Variants in GALNT2 observed in about 807,000 individuals in gnomAD.
GALNT2 encodes the protein polypeptide N-acetylgalactosaminyltransferase 2, also known as UDP-GalNAc:polypeptide N-acetylgalactosaminyltransferase 2.
A neutral mutation model predicts 81.4 loss-of-function variants in GALNT2; 31 were observed. The ratio of observed to expected loss-of-function variants is 0.38; its 90% CI spans 0.29 to 0.51. The LOEUF is 0.51. Ranked by LOEUF, GALNT2 falls within the 20% of genes least tolerant of loss-of-function variation. The probability of loss-of-function intolerance (pLI) is 0.87; values close to 1 mark genes in which losing one functional copy is unlikely to be tolerated. For missense variants in GALNT2, 629 were observed against 765.7 expected (o/e 0.82, Z 2.11); for synonymous variants, 303 against 287.4 (o/e 1.05, Z -0.55).
rs72647723 is a variant in GALNT2, at chr1:230,281,718, A to G, written c.*2260A>G. The G allele has an allele frequency of 6.0e-4, 92 of 152,296 alleles. 1 individual carries two copies. Among genetic ancestry groups the G allele is most frequent in the Admixed American group, 2.0e-4 (3 of 15,256 alleles). 9.4% of individuals were successfully genotyped at this position (152,296 alleles called of 1,614,324 possible). A position where few individuals can be genotyped will look rare whatever the true frequency, so the allele number is the denominator to read the frequency against. On this transcript the variant is annotated 3_prime_UTR_variant, in exon 16 of 16. Coordinates refer to ENST00000366672, the MANE Select transcript of GALNT2 (RefSeq NM_004481.5). ...GCGGCTTTGGATGGTCCGGGCGTCA[A>G]GAGCAGGGGTGGGCCGGGGAGGGGT... is the stretch of plus-strand genomic sequence containing the variant.
chr1:230,259,678 C>A (rs1347005391), intron 11 of GALNT2: 1 of 152,202 alleles, frequency 6.6e-6, no homozygotes, highest in African/African-American at 2.4e-5. Context: ...GGAAAATGGT[C>A]CTTGTGCCTG....
intron 1 of GALNT2, among the ~76,000 whole-genome samples, chr1:230,173,122 G>A (rs986095722): frequency 6.6e-6 from 1 of 152,202 alleles, no homozygotes; most frequent in African/African-American, 2.4e-5. Flanking sequence ...ACTACCATCT[G>A]GGGTAAGTTA....
chr1:230,272,450 C>CT (rs1177082797), intron 14 of GALNT2, among the ~76,000 whole-genome samples: 1 of 152,136 alleles, frequency 6.6e-6, no homozygotes, highest in Non-Finnish European at 1.5e-5. Context: ...AGCACAAAGT[C>CT]TGTTTCCCAA....
In GALNT2 at chr1:230,250,532, G is replaced by A. The variant is rs777276912; in HGVS notation, c.981G>A (p.Met327Ile). ...YFEELGKYDM[M>I]MDVWGGENLE... ...AAGAACTGGGGAAGTACGACATGAT[G>A]ATGGATGTGTGGGGAGGAGAGAACC... Residue 327 changes from methionine to isoleucine, a missense_variant, in exon 10 of 16, where the codon ATG becomes ATA. By Grantham distance (10) the Met-to-Ile change is conservative. Coordinates refer to ENST00000366672, the MANE Select transcript of GALNT2 (RefSeq NM_004481.5). 5 of 1,613,394 alleles carry A rather than the reference G, an allele frequency of 3.1e-6. No homozygotes were observed. In the East Asian group the frequency reaches 1.1e-4, roughly 36 times the overall value.
At chr1:230,162,415 A>C (rs1033518042) in intron 1 of GALNT2, among the ~76,000 whole-genome samples, 2 of 152,202 alleles carry the variant, frequency 1.3e-5, no homozygotes, top group East Asian at 3.8e-4. Flanking sequence ...AGTTCTTTCT[A>C]GTTTCCCTTA....
At position 230,097,953 on chromosome 1, in the gene GALNT2, T is replaced by C. The variant is rs971813072; in HGVS notation, c.126+30547T>C. Among the ~76,000 whole-genome samples the C allele has an allele frequency of 2.6e-5, 4 of 152,368 alleles. No individual in the cohort carries two copies. In the South Asian group the frequency reaches 8.3e-4, roughly 32 times the overall value. On this transcript the variant is annotated intron_variant, in intron 1 of 15. Coordinates refer to ENST00000366672, the MANE Select transcript of GALNT2 (RefSeq NM_004481.5). ...TCAGGGATCAAAATGAGTTAATACG[T>C]ATGAATGTCCTTTGTAAAGAGAGAA...
intron 1 of GALNT2, among the ~76,000 whole-genome samples, chr1:230,119,596 C>T (rs888699205): frequency 2.0e-5 from 3 of 152,066 alleles, no homozygotes; most frequent in Non-Finnish European, 4.4e-5. Context: ...ATTCTATCTG[C>T]GAGTGTAATT....
chr1:230,134,157 G>A (rs1661461536), intron 1 of GALNT2, among the ~76,000 whole-genome samples: 1 of 146,822 alleles, frequency 6.8e-6, no homozygotes, highest in Admixed American at 6.9e-5. Flanking sequence ...TCACCAGGCT[G>A]GAATGCAGTG....
intron 1 of GALNT2, among the ~76,000 whole-genome samples, chr1:230,103,855 C>A (rs1468808689): frequency 6.6e-6 from 1 of 152,054 alleles, no homozygotes; most frequent in African/African-American, 2.4e-5. Context: ...GTTATTCATT[C>A]CTCCCCTTCT....
At chr1:230,242,667 C>T (rs985475120) in intron 6 of GALNT2, among the ~76,000 whole-genome samples, 5 of 152,110 alleles carry the variant, frequency 3.3e-5, no homozygotes, top group African/African-American at 4.8e-5. Context: ...GAACCACAGG[C>T]GCACGCACAG....
intron 1 of GALNT2, among the ~76,000 whole-genome samples, chr1:230,120,642 A>G (rs939817096): frequency 6.6e-6 from 1 of 152,186 alleles, no homozygotes; most frequent in Non-Finnish European, 1.5e-5. Flanking sequence ...CGCAGGACTC[A>G]GGGACGCACA....
At chr1:230,080,923 G>A (rs761521576) in intron 1 of GALNT2, among the ~76,000 whole-genome samples, 6 of 152,220 alleles carry the variant, frequency 3.9e-5, no homozygotes, top group African/African-American at 1.2e-4. Context: ...CTTTGAAGGC[G>A]GGGAGGTGTT....
At chr1:230,232,079 A>C (rs1664882102) in intron 3 of GALNT2, among the ~76,000 whole-genome samples, 1 of 152,192 alleles carries the variant, frequency 6.6e-6, no homozygotes, top group Admixed American at 6.5e-5. Context: ...ACTGGTTGGC[A>C]GGGATATGGC....
In GALNT2 at chr1:230,271,266, C is replaced by T. The variant is rs576381765; in HGVS notation, c.1441-3179C>T. Among the ~76,000 whole-genome samples the T allele has an allele frequency of 3.9e-5, 6 of 152,292 alleles. No homozygotes were observed. Among genetic ancestry groups the T allele is most frequent in the East Asian group, 1.9e-4 (1 of 5,186 alleles). ...GCCATCTGCCTATGGGAAACACACACGGCTTCCTCTCTACACTCCACACCT... is the reference window on the plus strand; with the variant it reads ...GCCATCTGCCTATGGGAAACACACATGGCTTCCTCTCTACACTCCACACCT... On this transcript the variant is annotated intron_variant, in intron 14 of 15. Transcript: ENST00000366672. This position sits in a 1 kb window ranked among gnomAD's most constrained non-coding sequence, Gnocchi z 4.2.
chr1:230,245,597 C>T (rs1380500058), intron 7 of GALNT2, among the ~76,000 whole-genome samples: 1 of 152,250 alleles, frequency 6.6e-6, no homozygotes, highest in Non-Finnish European at 1.5e-5. Context: ...CTCTCTCACA[C>T]ACACACACTC....
chr1:230,252,052 G>A (rs1377550380), intron 10 of GALNT2, among the ~76,000 whole-genome samples: 2 of 152,180 alleles, frequency 1.3e-5, no homozygotes, highest in African/African-American at 2.4e-5. Context: ...GAAGGCTGGG[G>A]CATCTGTCCC....
intron 1 of GALNT2, among the ~76,000 whole-genome samples, chr1:230,077,477 T>G (rs1440274285): frequency 6.6e-6 from 1 of 152,268 alleles, no homozygotes; most frequent in Non-Finnish European, 1.5e-5. Flanking sequence ...TCCATTGACC[T>G]GTGACACAAC....
chr1:230,065,253 A>G (rs1313355451), upstream of GALNT2, among the ~76,000 whole-genome samples: 1 of 152,060 alleles, frequency 6.6e-6, no homozygotes, highest in Admixed American at 6.5e-5. Flanking sequence ...GTCCTTTTAC[A>G]TATTTTCATT....
At position 230,141,788 on chromosome 1, in the gene GALNT2, CTTT is replaced by C. The variant is rs60824749; in HGVS notation, c.127-36410_127-36408del. Reference sequence around the variant, plus strand: ...CAAGACCCCGCTTTCTTTTGTTTTCCTTTTTTTTTTTTTTTTTTTTTTGAGACA... The same window carrying C: ...CAAGACCCCGCTTTCTTTTGTTTTCCTTTTTTTTTTTTTTTTTTTGAGACA... On this transcript the variant is annotated intron_variant, in intron 1 of 15. Coordinates refer to ENST00000366672, the MANE Select transcript of GALNT2 (RefSeq NM_004481.5). Among the ~76,000 whole-genome samples the C allele has an allele frequency of 4.3e-3, 433 of 101,292 alleles. 4 individuals carry two copies. Among genetic ancestry groups the C allele is most frequent in the African/African-American group, 0.014 (387 of 27,758 alleles). The allele number at this position is 101,292 out of a possible 152,430, so 66.5% of individuals were successfully genotyped here.
Sources: gnomAD v4.1 joint callset for allele counts (sites outside exome capture counted in the v4.1 genomes callset) on GRCh38, gnomAD v4.1.1 for gene constraint, Gnocchi (gnomAD v3.1) non-coding constraint, MANE v1.5 for transcripts, NCBI Gene and HGNC (gene_info 2026-07-23, HGNC 2026-07-21) for gene names.